Variants in SV2C observed in about 807,000 individuals in gnomAD.
The protein encoded by SV2C is solute carrier family 22 member B3.
SV2C carries 49 observed loss-of-function variants against 79.7 expected under a neutral mutation model. The observed-to-expected ratio is 0.61, with a 90% confidence interval of 0.49 to 0.78. The LOEUF is 0.78. Ranked by LOEUF, SV2C falls within the 30% of genes least tolerant of loss-of-function variation. The pLI is 0.00. For missense variants in SV2C, 833 were observed against 912.9 expected (o/e 0.91, Z 1.13); for synonymous variants, 334 against 333.2 (o/e 1.00, Z -0.03).
At chr5:75,944,058 C>T in the SV2C span, among the ~76,000 whole-genome samples, 3 of 152,126 alleles carry the variant, frequency 2.0e-5, no homozygotes, top group Non-Finnish European at 4.4e-5. Context: ...TGCTCTGTTT[C>T]CCAGGCTGTA....
At chr5:75,980,848 G>A in the SV2C span, among the ~76,000 whole-genome samples, 2 of 152,238 alleles carry the variant, frequency 1.3e-5, no homozygotes, top group Middle Eastern at 6.8e-3. Flanking sequence ...ACACAGTACT[G>A]GAGGTCCTGG....
intron 4 of SV2C, among the ~76,000 whole-genome samples, chr5:76,280,256 T>TG (rs199935327): frequency 0.023 from 3,529 of 152,016 alleles, 139 homozygotes; most frequent in African/African-American, 0.078. Flanking sequence ...CATGTGTGTG[T>TG]TCATATGTGT....
rs1744906933 is a variant in SV2C, at chr5:76,216,273, A to G, written c.913+6386A>G. Among the ~76,000 whole-genome samples the G allele has an allele frequency of 2.0e-5, 3 of 152,304 alleles. No homozygotes were observed. The South Asian group carries it at 6.2e-4, about 32-fold the overall frequency. On this transcript the variant is annotated intron_variant, in intron 4 of 12. Transcript: ENST00000502798. ...TTGCTAACATCTGAAGGTTCCCAAC[A>G]TGAATGGACCTCACCCAATGCTGAC...
chr5:76,030,281 T>TTA, the SV2C span, among the ~76,000 whole-genome samples: 1 of 113,370 alleles, frequency 8.8e-6, no homozygotes, highest in South Asian at 2.5e-4. Context: ...TTTTTTTTTT[T>TTA]TTTTTTTTTT....
At chr5:76,219,424 T>C (rs1406847119) in intron 4 of SV2C, among the ~76,000 whole-genome samples, 1 of 152,226 alleles carries the variant, frequency 6.6e-6, no homozygotes, top group Non-Finnish European at 1.5e-5. Flanking sequence ...GATGATATAG[T>C]CTTTAAGGGC....
At chr5:76,109,002 TTGA>T (rs1031731165) in intron 1 of SV2C, among the ~76,000 whole-genome samples, 6 of 152,332 alleles carry the variant, frequency 3.9e-5, no homozygotes, top group African/African-American at 1.4e-4. Flanking sequence ...TCTTTTTCTT[TTGA>T]TGATCTTTGT....
At chr5:76,250,464 G>A (rs954812311) in intron 4 of SV2C, among the ~76,000 whole-genome samples, 9 of 152,228 alleles carry the variant, frequency 5.9e-5, no homozygotes, top group African/African-American at 1.9e-4. Flanking sequence ...CTGAATAAGC[G>A]TTCTGTGGAA....
chr5:76,121,954 C>T (rs1418183054), intron 1 of SV2C, among the ~76,000 whole-genome samples: 9 of 152,054 alleles, frequency 5.9e-5, no homozygotes, highest in Non-Finnish European at 1.0e-4. Flanking sequence ...TATAAATTAC[C>T]TTGGGCAGTA....
intron 12 of SV2C, among the ~76,000 whole-genome samples, chr5:76,303,285 T>G (rs1748072082): frequency 1.3e-5 from 2 of 152,222 alleles, no homozygotes; most frequent in Admixed American, 1.3e-4. Context: ...CCAGAGTTGG[T>G]GCGGCCAAAA....
chr5:76,040,647 G>A, the SV2C span, among the ~76,000 whole-genome samples: 2 of 152,130 alleles, frequency 1.3e-5, no homozygotes, highest in African/African-American at 4.8e-5. Flanking sequence ...GACCCCAGTT[G>A]CTTCTTTCGA....
At chr5:75,895,970 T>C in the SV2C span, among the ~76,000 whole-genome samples, 1 of 152,222 alleles carries the variant, frequency 6.6e-6, no homozygotes, top group Admixed American at 6.6e-5. Context: ...TAAATACATT[T>C]GCACTATATA....
At chr5:75,905,684 A>G in the SV2C span, among the ~76,000 whole-genome samples, 1 of 151,928 alleles carries the variant, frequency 6.6e-6, no homozygotes, top group Non-Finnish European at 1.5e-5. Flanking sequence ...CACTCTATGG[A>G]GCTCAGTGTT....
At chr5:76,015,684 G>T in the SV2C span, among the ~76,000 whole-genome samples, 1 of 151,976 alleles carries the variant, frequency 6.6e-6, no homozygotes, top group African/African-American at 2.4e-5. Flanking sequence ...CTATAAGAGA[G>T]GTAAGCTATT....
At chr5:75,924,827 CTA>C in the SV2C span, among the ~76,000 whole-genome samples, 1 of 151,850 alleles carries the variant, frequency 6.6e-6, no homozygotes, top group Non-Finnish European at 1.5e-5. Context: ...ATCGAACAGA[CTA>C]TGTGTACAAT....
chr5:76,149,666 C>CT (rs539924480), intron 2 of SV2C, among the ~76,000 whole-genome samples: 28 of 151,050 alleles, frequency 1.9e-4, no homozygotes, highest in Admixed American at 1.3e-3. Flanking sequence ...TTTTAGGAAA[C>CT]TTTTTTTTTT....
chr5:75,923,547 T>C, the SV2C span, among the ~76,000 whole-genome samples: 1 of 152,104 alleles, frequency 6.6e-6, no homozygotes, highest in African/African-American at 2.4e-5. Context: ...ATCCACACTC[T>C]ATGAGAAACT....
chr5:76,078,883 G>T (rs749750685), upstream of SV2C: 1 of 567,402 alleles, frequency 1.8e-6, no homozygotes, highest in Non-Finnish European at 3.5e-6. Flanking sequence ...GGTGTTGCTG[G>T]ACCTTCAGAG....
chr5:75,914,797 TG>T, the SV2C span, among the ~76,000 whole-genome samples: 1 of 152,236 alleles, frequency 6.6e-6, no homozygotes, highest in African/African-American at 2.4e-5. Context: ...TGAAAACTTA[TG>T]GATGTGATAA....
chr5:76,324,980 G>A (rs1223146654), intron 12 of SV2C, among the ~76,000 whole-genome samples: 1 of 152,148 alleles, frequency 6.6e-6, no homozygotes, highest in Non-Finnish European at 1.5e-5. Flanking sequence ...CTATTACTAT[G>A]CCACTGCACT....
Sources: allele counts gnomAD v4.1 joint callset (sites outside exome capture counted in the v4.1 genomes callset), GRCh38; gene constraint gnomAD v4.1.1; transcripts MANE v1.5; gene names NCBI Gene and HGNC (gene_info 2026-07-23, HGNC 2026-07-21).